Variants in CPS1 observed in about 807,000 individuals in gnomAD.
CPS1 encodes carbamoyl-phosphate synthase [ammonia], mitochondrial.
CPS1 carries 109 observed loss-of-function variants against 174.6 expected under a neutral mutation model. The ratio of observed to expected loss-of-function variants is 0.62; its 90% CI spans 0.53 to 0.73. The LOEUF is 0.73. CPS1 is among the 30% of genes least tolerant of loss of function. The pLI is 0.00. For missense variants in CPS1, 1,689 were observed against 1,821.9 expected, an observed-to-expected ratio of 0.93 and a Z score of 1.33; for synonymous variants, 637 against 632.0, an observed-to-expected ratio of 1.01 and a Z score of -0.12.
intron 29 of CPS1, 125 bp from the exon 30 acceptor site, chr2:210,656,400 T>G: frequency 1.4e-6 from 1 of 722,830 alleles, no homozygotes. Context: ...ATCAGGAATG[T>G]AGCAAGGGAA....
intron 19 of CPS1, among the ~76,000 whole-genome samples, chr2:210,609,016 C>T (rs2105853744): frequency 1.3e-5 from 2 of 151,960 alleles, no homozygotes; most frequent in East Asian, 3.9e-4. Flanking sequence ...CCTCATTCCC[C>T]ACATCTATAA....
chr2:210,654,136 C>T, intron 29 of CPS1, 34 bp downstream of exon 29: 1 of 1,564,800 alleles, frequency 6.4e-7, no homozygotes, highest in Non-Finnish European at 8.8e-7. Flanking sequence ...TTCATTCCTG[C>T]CTTCTCATCA....
intron 1 of CPS1, among the ~76,000 whole-genome samples, chr2:210,512,819 G>GAT (rs1421242996): frequency 1.0e-4 from 11 of 104,800 alleles, no homozygotes; most frequent in Admixed American, 1.0e-4. Flanking sequence ...GAGAGAGAGA[G>GAT]ATATATATAT....
intron 1 of CPS1, among the ~76,000 whole-genome samples, chr2:210,509,516 G>C (rs1200481651): frequency 1.3e-5 from 2 of 152,094 alleles, no homozygotes; most frequent in African/African-American, 4.8e-5. Context: ...ACATAGTGTT[G>C]GAAGTTCTGG....
intron 25 of CPS1, among the ~76,000 whole-genome samples, chr2:210,644,236 A>C (rs997605883): frequency 1.3e-5 from 2 of 152,078 alleles, no homozygotes; most frequent in Non-Finnish European, 2.9e-5. Context: ...TTTAAAATAT[A>C]GTATTACTAT....
At chr2:210,506,500 C>T (rs752513727) in intron 1 of CPS1, among the ~76,000 whole-genome samples, 4 of 152,152 alleles carry the variant, frequency 2.6e-5, no homozygotes, top group Non-Finnish European at 4.4e-5. Flanking sequence ...TCCAAAGGAA[C>T]GCAGCTCCTC....
At chr2:210,605,401 A>C (rs907575999) in intron 17 of CPS1, among the ~76,000 whole-genome samples, 155 bp downstream of exon 17, 1 of 151,962 alleles carries the variant, frequency 6.6e-6, no homozygotes, top group African/African-American at 2.4e-5. Context: ...TACAGTATTG[A>C]AAATGTTCTC....
intron 29 of CPS1, among the ~76,000 whole-genome samples, chr2:210,654,962 C>A (rs1700662129): frequency 1.3e-5 from 2 of 152,132 alleles, no homozygotes; most frequent in African/African-American, 4.8e-5. Context: ...AGCCCTCCAC[C>A]CTCCAAGTCA....
intron 33 of CPS1, among the ~76,000 whole-genome samples, chr2:210,665,190 G>C (rs1701051031): frequency 6.6e-6 from 1 of 152,178 alleles, no homozygotes; most frequent in South Asian, 2.1e-4. Flanking sequence ...AATGTTCACT[G>C]TGGAGAGAAA....
chr2:210,640,034 G>T lies in CPS1; in HGVS notation c.2934G>T (p.Val978=), dbSNP rs2105898803. ...DVNFDDHGMM[V]LGCGPYHIGS... ...ATTTTGATGACCATGGAATGATGGT[G>T]CTAGGCTGTGGTCCATATCACATTG... The change falls in exon 24 of 38, where the codon GTG becomes GTT. Residue 978 remains valine, a synonymous_variant. Transcript: ENST00000233072. 1 of 1,610,574 alleles carries T rather than the reference G, an allele frequency of 6.2e-7. No homozygotes were observed. Among genetic ancestry groups the T allele is most frequent in the Non-Finnish European group, 8.5e-7 (1 of 1,177,344 alleles).
chr2:210,659,131 C>T (rs945858659), intron 31 of CPS1, among the ~76,000 whole-genome samples: 5 of 152,152 alleles, frequency 3.3e-5, no homozygotes, highest in African/African-American at 7.2e-5. Flanking sequence ...TTTAACTAAT[C>T]GGTAACTGCC....
At position 210,572,885 on chromosome 2, in the gene CPS1, T is replaced by C. The variant is rs1209423290; in HGVS notation, c.127-413T>C. Among the ~76,000 whole-genome samples, 3 of 152,134 alleles carry C rather than the reference T, an allele frequency of 2.0e-5. No individual in the cohort carries two copies. The East Asian group carries it at 5.8e-4, about 29-fold the overall frequency. On this transcript the variant is annotated intron_variant, in intron 1 of 37. Transcript: ENST00000233072. The stretch of plus-strand genomic sequence containing the variant: ...CTGGCTCTAAATCTCAGAGTGATGA[T>C]GAGCTGTATGGTACAATTCACAATG...
intron 21 of CPS1, among the ~76,000 whole-genome samples, chr2:210,636,229 T>A (rs970090137): frequency 2.6e-5 from 4 of 152,184 alleles, no homozygotes; most frequent in African/African-American, 7.2e-5. Flanking sequence ...ATTTTATTCT[T>A]CTGTCCCTTA....
chr2:210,503,576 T>G (rs937419892), intron 1 of CPS1, among the ~76,000 whole-genome samples: 2 of 152,190 alleles, frequency 1.3e-5, no homozygotes, highest in Admixed American at 1.3e-4. Context: ...TAACCACTGT[T>G]TGTAAACTGG....
At chr2:210,613,927 A>G (rs549243494) in intron 20 of CPS1, among the ~76,000 whole-genome samples, 2 of 152,024 alleles carry the variant, frequency 1.3e-5, no homozygotes, top group Admixed American at 1.3e-4. Context: ...GCAGCCGGGA[A>G]CTTGGTGATT....
chr2:210,579,412 A>G (rs1255652622), intron 4 of CPS1, among the ~76,000 whole-genome samples: 8 of 152,186 alleles, frequency 5.3e-5, no homozygotes, highest in Non-Finnish European at 4.4e-5. Flanking sequence ...AAGTTCACCA[A>G]TGTGATTTAA....
Position 210,675,793 on chromosome 2 carries a change from A to G in CPS1, c.4227A>G (p.Ala1409=). Residue 1409 remains alanine (A), a synonymous_variant, in exon 36 of 38, where the codon GCA becomes GCG. Transcript: ENST00000233072. The part of the protein sequence containing the change: ...NANNVPATPV[A]WPSQEGQNPS... ...ACAATGTCCCTGCCACCCCAGTGGC[A>G]TGGCCGTCTCAAGAAGGACAGAATC... The G allele has an allele frequency of 6.2e-7, 1 of 1,607,052 alleles. No individual in the cohort carries two copies. Among genetic ancestry groups the G allele is most frequent in the South Asian group, 1.1e-5 (1 of 90,970 alleles).
At chr2:210,620,952 T>C (rs1012985342) in intron 21 of CPS1, among the ~76,000 whole-genome samples, 2 of 152,116 alleles carry the variant, frequency 1.3e-5, no homozygotes, top group Non-Finnish European at 2.9e-5. Flanking sequence ...GTATGCTGTC[T>C]CTAATACCTG....
intron 20 of CPS1, 63 bp downstream of exon 20, chr2:210,612,356 A>G (rs1574592230): frequency 2.5e-6 from 4 of 1,578,916 alleles, no homozygotes; most frequent in Non-Finnish European, 8.7e-7. Context: ...CAGTCTGGAC[A>G]TTAAAATAAA....
Sources: allele counts gnomAD v4.1 joint callset (sites outside exome capture counted in the v4.1 genomes callset), GRCh38; gene constraint gnomAD v4.1.1; transcripts MANE v1.5; gene names NCBI Gene and HGNC (gene_info 2026-07-23, HGNC 2026-07-21).